The following P2RY12 variants were observed in gnomAD, a reference collection of about 807,000 sequenced individuals.
P2RY12 encodes the protein P2Y purinoceptor 12.
A neutral mutation model predicts 4.5 loss-of-function variants in P2RY12; 3 were observed. The observed-to-expected ratio is 0.67, with a 90% CI of 0.31 to 1.74. The LOEUF (loss-of-function observed/expected upper bound fraction) is 1.74, where lower values mean the gene tolerates loss of function less well. P2RY12 is among the 40% of genes most tolerant of loss of function. The pLI is 0.09. For missense variants in P2RY12, 356 were observed against 407.8 expected, an observed-to-expected ratio of 0.87 and a Z score of 1.09; for synonymous variants, 148 against 154.1, an observed-to-expected ratio of 0.96 and a Z score of 0.29.
At chr3:151,364,339 A>G (rs900752363) in intron 1 of P2RY12, among the ~76,000 whole-genome samples, 5 of 152,166 alleles carry the variant, frequency 3.3e-5, no homozygotes, top group Admixed American at 2.0e-4. Context: ...CTCTTTAAAA[A>G]TCTCTTAATG....
chr3:151,353,186 A>G (rs1165942777), intron 1 of P2RY12, among the ~76,000 whole-genome samples: 1 of 152,146 alleles, frequency 6.6e-6, no homozygotes, highest in Non-Finnish European at 1.5e-5. Context: ...GTCTGTTGTT[A>G]TTATTTGTTT....
chr3:151,354,783 G>A (rs1312084284), intron 1 of P2RY12, among the ~76,000 whole-genome samples: 1 of 152,148 alleles, frequency 6.6e-6, no homozygotes, highest in Non-Finnish European at 1.5e-5. Context: ...AATCTTAAAA[G>A]CATACTGTTG....
intron 1 of P2RY12, chr3:151,376,866 A>G (rs767771556): frequency 1.9e-6 from 3 of 1,614,004 alleles, no homozygotes; most frequent in Non-Finnish European, 2.5e-6. Flanking sequence ...ACAGTGCTTG[A>G]AGGACCCTGT....
intron 1 of P2RY12, 188 bp from the exon 2 acceptor site, chr3:151,340,948 T>TG (rs1264049628): frequency 1.3e-5 from 2 of 152,176 alleles, no homozygotes; most frequent in Non-Finnish European, 2.9e-5. Context: ...TTTAAAATCT[T>TG]GCGGCTTTTT....
chr3:151,364,985 C>G (rs763005250), intron 1 of P2RY12: 5 of 1,612,696 alleles, frequency 3.1e-6, no homozygotes, highest in Middle Eastern at 1.6e-4. Context: ...TCAGTAGTGC[C>G]TGTTCAAAAG....
chr3:151,372,329 A>G (rs1001872264), intron 1 of P2RY12, among the ~76,000 whole-genome samples: 1 of 152,214 alleles, frequency 6.6e-6, no homozygotes. Context: ...AACTATAATT[A>G]TACAAACAAA....
chr3:151,368,685 ATT>A (rs869105325), intron 1 of P2RY12, among the ~76,000 whole-genome samples: 3 of 41,372 alleles, frequency 7.3e-5, no homozygotes, highest in Non-Finnish European at 8.8e-5. Flanking sequence ...ATGTCATTTC[ATT>A]TTATTTCATT....
intron 1 of P2RY12, chr3:151,367,783 G>A: frequency 6.3e-7 from 1 of 1,594,372 alleles, no homozygotes; most frequent in Non-Finnish European, 8.6e-7. Context: ...CAGCATCCAT[G>A]AACATCCGTT....
chr3:151,376,665 C>A (rs1029425991), intron 1 of P2RY12: 12 of 715,898 alleles, frequency 1.7e-5, no homozygotes, highest in Non-Finnish European at 2.3e-5. Context: ...AGATTGGGAA[C>A]CTTTTGACTC....
intron 1 of P2RY12, among the ~76,000 whole-genome samples, chr3:151,371,293 AC>A (rs1185720829): frequency 2.0e-5 from 3 of 152,178 alleles, no homozygotes; most frequent in Non-Finnish European, 2.9e-5. Context: ...TTTAATTTCT[AC>A]AATGTAACTC....
intron 1 of P2RY12, among the ~76,000 whole-genome samples, chr3:151,368,586 ATTTATTTTATTTTATTTTATTTTAT>A (rs71637017): frequency 0.12 from 14,343 of 120,296 alleles, 1,999 homozygotes; most frequent in African/African-American, 0.31. Context: ...GGCAATGGTG[ATTTATTTTATTTTATTTTATTTTAT>A]TTTATTTTAT....
intron 2 of P2RY12, 111 bp from the exon 3 acceptor site, chr3:151,338,970 C>T: frequency 1.1e-6 from 1 of 899,020 alleles, no homozygotes; most frequent in Non-Finnish European, 1.8e-6. Context: ...TGAGGTTTCT[C>T]ATCTTCATTG....
chr3:151,378,822 T>G lies in P2RY12; in HGVS notation c.-180+5870A>C, dbSNP rs150216174. 5.9e-4 allele frequency among the ~76,000 whole-genome samples: 90 copies of G among 152,352 alleles called. 1 individual carries two copies. The highest frequency in any genetic ancestry group is 2.1e-3 in the African/African-American group (89 of 41,588). On this transcript the variant is annotated intron_variant, in intron 1 of 2. Transcript: ENST00000302632. ...AAAATATTTTAAGCACATAGATTTC[T>G]TGTCCACTAATGAATAATACTATAG...
intron 1 of P2RY12, among the ~76,000 whole-genome samples, chr3:151,372,297 A>G (rs1345087759): frequency 6.6e-6 from 1 of 152,196 alleles, no homozygotes; most frequent in African/African-American, 2.4e-5. Flanking sequence ...GTGATTCATA[A>G]TGGCCTTTCC....
rs1388619 is a variant in P2RY12, at chr3:151,367,387, G to T, written c.-180+17305C>A. ...TTCCTGATTTTCCATTTTTGTTGTT[G>T]TGTTTTTCATTTGCATGTATGCAAG... On this transcript the variant is annotated intron_variant, in intron 1 of 2. Coordinates refer to ENST00000302632, the MANE Select transcript of P2RY12 (RefSeq NM_022788.5). Among the ~76,000 whole-genome samples the T allele has an allele frequency of 0.76, 116,192 of 152,136 alleles. 45,036 individuals carry two copies. The highest frequency in any genetic ancestry group is 0.89 in the African/African-American group (37,018 of 41,528).
intron 1 of P2RY12, among the ~76,000 whole-genome samples, chr3:151,364,782 T>C (rs1407752565): frequency 1.3e-5 from 2 of 152,152 alleles, no homozygotes; most frequent in African/African-American, 4.8e-5. Flanking sequence ...TTAGAAATTA[T>C]TTATTGAGGA....
At chr3:151,354,880 G>A (rs1265419136) in intron 1 of P2RY12, among the ~76,000 whole-genome samples, 2 of 152,164 alleles carry the variant, frequency 1.3e-5, no homozygotes, top group African/African-American at 2.4e-5. Flanking sequence ...AATCTAAGTT[G>A]TTAGGTGTCA....
At chr3:151,378,148 G>A in intron 1 of P2RY12, 2 of 1,610,384 alleles carry the variant, frequency 1.2e-6, no homozygotes, top group Non-Finnish European at 8.5e-7. Flanking sequence ...TTCCAAAAAG[G>A]AAAGGGACAG....
At chr3:151,342,139 T>C (rs936843853) in intron 1 of P2RY12, among the ~76,000 whole-genome samples, 1 of 152,234 alleles carries the variant, frequency 6.6e-6, no homozygotes, top group Non-Finnish European at 1.5e-5. Flanking sequence ...TCTAGATCAC[T>C]GAGGAATCAC....
Sources: gnomAD v4.1 joint callset for allele counts (sites outside exome capture counted in the v4.1 genomes callset) on GRCh38, gnomAD v4.1.1 for gene constraint, MANE v1.5 for transcripts, NCBI Gene and HGNC (gene_info 2026-07-23, HGNC 2026-07-21) for gene names.